Variants in CSMD1 observed in about 807,000 individuals in gnomAD.
The protein encoded by CSMD1 is CUB and sushi domain-containing protein 1.
CSMD1 carries 213 observed loss-of-function variants against 417.5 expected under a neutral mutation model. The ratio of observed to expected loss-of-function variants is 0.51; its 90% CI spans 0.46 to 0.57. The LOEUF is 0.57. Ranked by LOEUF, CSMD1 falls within the 20% of genes least tolerant of loss-of-function variation. The pLI is 0.00. For missense variants in CSMD1, 6,923 were observed against 4,529.7 expected (o/e 1.53, Z -15.17); for synonymous variants, 2,862 against 1,736.8 (o/e 1.65, Z -16.11).
At chr8:4,173,901 C>G (rs551893340) in intron 3 of CSMD1, among the ~76,000 whole-genome samples, 2 of 152,096 alleles carry the variant, frequency 1.3e-5, no homozygotes, top group Non-Finnish European at 2.9e-5. Flanking sequence ...GTTCTGGGCT[C>G]AGTACACATG....
intron 7 of CSMD1, among the ~76,000 whole-genome samples, chr8:3,691,612 A>C (rs374406871): frequency 5.9e-4 from 90 of 152,292 alleles, no homozygotes; most frequent in African/African-American, 2.1e-3. Flanking sequence ...CTATCCTAAC[A>C]AAAATATATA....
At chr8:2,968,833 C>T (rs1006293945) in intron 57 of CSMD1, among the ~76,000 whole-genome samples, 3 of 152,118 alleles carry the variant, frequency 2.0e-5, no homozygotes, top group Non-Finnish European at 4.4e-5. Flanking sequence ...CATATTTTCT[C>T]TTTCCTGAGT....
intron 1 of CSMD1, among the ~76,000 whole-genome samples, chr8:4,889,749 C>T (rs1803985234): frequency 6.6e-6 from 1 of 152,036 alleles, no homozygotes; most frequent in Non-Finnish European, 1.5e-5. Flanking sequence ...ATTTTTGACA[C>T]ATTATATTTT....
intron 56 of CSMD1, among the ~76,000 whole-genome samples, chr8:2,974,063 G>GGTAGAGGATGA (rs1443217372): frequency 1.2e-5 from 1 of 83,300 alleles, no homozygotes; most frequent in Non-Finnish European, 2.3e-5. Flanking sequence ...GTAGAGGATG[G>GGTAGAGGATGA]TGGTAGAGGA....
chr8:3,371,190 C>T (rs1055613667), intron 18 of CSMD1, among the ~76,000 whole-genome samples: 16 of 152,156 alleles, frequency 1.1e-4, no homozygotes, highest in African/African-American at 3.6e-4. Context: ...ATCTTGGGAC[C>T]TTTTGGCCTC....
At chr8:4,479,070 T>A (rs910923826) in intron 2 of CSMD1, among the ~76,000 whole-genome samples, 1 of 152,148 alleles carries the variant, frequency 6.6e-6, no homozygotes, top group Non-Finnish European at 1.5e-5. Flanking sequence ...ATTCAAATGT[T>A]TACGTGTGTA....
chr8:4,192,515 AC>A (rs948342185), intron 3 of CSMD1, among the ~76,000 whole-genome samples: 28 of 151,270 alleles, frequency 1.9e-4, no homozygotes, highest in African/African-American at 6.9e-4. Context: ...TTAAGACAAT[AC>A]CCCCTGACCT....
chr8:3,891,544 G>C (rs1388905506), intron 5 of CSMD1, among the ~76,000 whole-genome samples: 2 of 152,056 alleles, frequency 1.3e-5, no homozygotes, highest in African/African-American at 2.4e-5. Context: ...AAAGCCAATA[G>C]TGGGGGTGTA....
At chr8:3,212,355 C>A (rs1376042824) in intron 30 of CSMD1, among the ~76,000 whole-genome samples, 3 of 152,006 alleles carry the variant, frequency 2.0e-5, no homozygotes, top group African/African-American at 4.8e-5. Context: ...TTTTAAAACA[C>A]AAAAAATAAC....
chr8:4,615,636 A>G (rs953140004), intron 2 of CSMD1, among the ~76,000 whole-genome samples: 1 of 152,178 alleles, frequency 6.6e-6, no homozygotes, highest in Non-Finnish European at 1.5e-5. Context: ...CTTAAATAAT[A>G]AATATATTTT....
intron 1 of CSMD1, among the ~76,000 whole-genome samples, chr8:4,787,014 G>C (rs1797434902): frequency 6.6e-6 from 1 of 152,226 alleles, no homozygotes; most frequent in Non-Finnish European, 1.5e-5. Flanking sequence ...GTGTGGCAAT[G>C]TGGAAGGAAG....
At chr8:4,628,112 T>C (rs1483054666) in intron 2 of CSMD1, among the ~76,000 whole-genome samples, 1 of 124,102 alleles carries the variant, frequency 8.1e-6, no homozygotes, top group African/African-American at 2.7e-5. Context: ...TATATATACT[T>C]CTGTGTGTGT....
chr8:3,636,319 A>G (rs1361737625), intron 7 of CSMD1, among the ~76,000 whole-genome samples: 1 of 152,184 alleles, frequency 6.6e-6, no homozygotes, highest in Non-Finnish European at 1.5e-5. Context: ...CCGGGATTAC[A>G]GGCATGCGCC....
chr8:3,641,024 C>CTTTTTTTTTTTTTTTTTTTTTTT (rs34851559), intron 7 of CSMD1, among the ~76,000 whole-genome samples: 9 of 102,718 alleles, frequency 8.8e-5, no homozygotes, highest in Non-Finnish European at 1.1e-4. Flanking sequence ...TCCTTTTTTC[C>CTTTTTTTTTTTTTTTTTTTTTTT]TTTTTTTTTT....
chr8:3,158,662 G>C (rs985952415), intron 38 of CSMD1, among the ~76,000 whole-genome samples: 9 of 151,754 alleles, frequency 5.9e-5, no homozygotes, highest in African/African-American at 2.2e-4. Flanking sequence ...AACAGTAGAG[G>C]GTTAAATTCA....
intron 3 of CSMD1, among the ~76,000 whole-genome samples, chr8:4,197,242 T>G (rs1288292372): frequency 6.6e-6 from 1 of 152,176 alleles, no homozygotes; most frequent in East Asian, 1.9e-4. Context: ...CACAGATAAT[T>G]TCGTATAACC....
intron 5 of CSMD1, among the ~76,000 whole-genome samples, chr8:3,860,824 A>C (rs1804649859): frequency 6.6e-6 from 1 of 152,210 alleles, no homozygotes; most frequent in Non-Finnish European, 1.5e-5. Context: ...TCTGGTGAAC[A>C]AACGTGTTCT....
chr8:4,712,285 C>T (rs1230672613), intron 1 of CSMD1, among the ~76,000 whole-genome samples: 2 of 152,178 alleles, frequency 1.3e-5, no homozygotes, highest in African/African-American at 2.4e-5. Flanking sequence ...TGAGAGTACA[C>T]TTCAGTGTGG....
At chr8:3,507,528 G>C (rs538891983) in intron 10 of CSMD1, among the ~76,000 whole-genome samples, 2 of 152,146 alleles carry the variant, frequency 1.3e-5, no homozygotes, top group African/African-American at 4.8e-5. Context: ...CTAGTAATGG[G>C]ATTGCTGGGT....
Sources: allele counts gnomAD v4.1 joint callset (sites outside exome capture counted in the v4.1 genomes callset), GRCh38; gene constraint gnomAD v4.1.1; transcripts MANE v1.5; gene names NCBI Gene and HGNC (gene_info 2026-07-23, HGNC 2026-07-21).